MSI2: variants seen among roughly 807,000 people sequenced by gnomAD.
MSI2 encodes RNA-binding protein Musashi homolog 2.
Under a neutral mutation model 45.6 loss-of-function variants are expected in MSI2, and 17 were observed. That is an observed-to-expected ratio of 0.37 (90% confidence interval 0.26 to 0.56). The LOEUF (loss-of-function observed/expected upper bound fraction) is 0.56, where lower values mean the gene tolerates loss of function less well. Among genes scored for constraint, MSI2 ranks in the 20% least tolerant of loss-of-function variants. The pLI is 0.77. For missense variants in MSI2, 293 were observed against 444.2 expected (o/e 0.66, Z 3.06); for synonymous variants, 156 against 158.2 (o/e 0.99, Z 0.11).
intron 7 of MSI2, among the ~76,000 whole-genome samples, chr17:57,547,502 G>A (rs899435794): frequency 8.6e-5 from 13 of 151,994 alleles, no homozygotes; most frequent in Non-Finnish European, 1.6e-4. Context: ...ATTTATATTT[G>A]GAGACAAGTT....
At chr17:57,690,115 ACT>A in the MSI2 span, among the ~76,000 whole-genome samples, 1 of 147,538 alleles carries the variant, frequency 6.8e-6, no homozygotes, top group Non-Finnish European at 1.5e-5. Context: ...AGTTCTGGTT[ACT>A]TTGTATTCTT....
At chr17:57,548,898 T>TCCC (rs758120237) in intron 7 of MSI2, among the ~76,000 whole-genome samples, 12 of 121,294 alleles carry the variant, frequency 9.9e-5, no homozygotes, top group South Asian at 2.8e-4. Flanking sequence ...TGTTTACCCT[T>TCCC]CCCCCCCCCA....
intron 6 of MSI2, among the ~76,000 whole-genome samples, chr17:57,484,421 C>T (rs2085711743): frequency 6.6e-6 from 1 of 152,174 alleles, no homozygotes; most frequent in Non-Finnish European, 1.5e-5. Flanking sequence ...TCTTCCCCCT[C>T]GGAACTCAGT....
At chr17:57,489,395 G>C (rs2085822356) in intron 6 of MSI2, among the ~76,000 whole-genome samples, 1 of 152,156 alleles carries the variant, frequency 6.6e-6, no homozygotes, top group African/African-American at 2.4e-5. Context: ...CCAGCTGCTT[G>C]TGGCAAGAGA....
At chr17:57,608,536 GCTCT>G (rs1025666830) in intron 8 of MSI2, 1 of 152,468 alleles carries the variant, frequency 6.6e-6, no homozygotes, top group Non-Finnish European at 1.5e-5. Context: ...ACATTCAACA[GCTCT>G]CTCTCAGCAG....
chr17:57,483,418 C>T (rs2085687810), intron 6 of MSI2, among the ~76,000 whole-genome samples: 2 of 152,198 alleles, frequency 1.3e-5, no homozygotes, highest in African/African-American at 4.8e-5. Context: ...CGAATCACCT[C>T]TGGGGCTTAT....
intron 6 of MSI2, among the ~76,000 whole-genome samples, chr17:57,461,042 C>T (rs554347786): frequency 5.4e-4 from 83 of 152,302 alleles, no homozygotes; most frequent in Non-Finnish European, 1.1e-3. Context: ...TCCTATGGGC[C>T]TGTGGCAGGG....
chr17:57,692,199 C>T, the MSI2 span, among the ~76,000 whole-genome samples: 1 of 151,942 alleles, frequency 6.6e-6, no homozygotes, highest in East Asian at 1.9e-4. Context: ...CAGTATAAGC[C>T]CACTGGGTCA....
chr17:57,351,180 A>G (rs928258432), intron 5 of MSI2, among the ~76,000 whole-genome samples: 2 of 151,946 alleles, frequency 1.3e-5, no homozygotes, highest in Non-Finnish European at 2.9e-5. Flanking sequence ...CATTCTAGGG[A>G]GGTCAGTCTT....
At chr17:57,691,200 C>CATCTATCT in the MSI2 span, among the ~76,000 whole-genome samples, 464 of 140,306 alleles carry the variant, frequency 3.3e-3, 1 homozygote, top group African/African-American at 5.1e-3. Flanking sequence ...CTCTCTCTCT[C>CATCTATCT]ATCTATCTAT....
chr17:57,329,062 G>C (rs1311370595), intron 5 of MSI2, among the ~76,000 whole-genome samples: 2 of 152,148 alleles, frequency 1.3e-5, no homozygotes, highest in African/African-American at 2.4e-5. Context: ...CTCCAGCCTG[G>C]GTGAGGGGAG....
intron 6 of MSI2, among the ~76,000 whole-genome samples, chr17:57,484,532 T>C (rs774533504): frequency 6.6e-6 from 1 of 152,244 alleles, no homozygotes; most frequent in South Asian, 2.1e-4. Flanking sequence ...CTTTGTACAC[T>C]TCTCTACCCA....
chr17:57,293,541 C>T (rs1176052538), intron 5 of MSI2, among the ~76,000 whole-genome samples: 1 of 151,696 alleles, frequency 6.6e-6, no homozygotes, highest in Non-Finnish European at 1.5e-5. Flanking sequence ...ATAATTTTTT[C>T]CTGGATATAT....
At chr17:57,468,788 T>C (rs2085379572) in intron 6 of MSI2, among the ~76,000 whole-genome samples, 1 of 152,104 alleles carries the variant, frequency 6.6e-6, no homozygotes, top group Non-Finnish European at 1.5e-5. Flanking sequence ...GGGCATCCTG[T>C]GAGCTCTGTT....
intron 6 of MSI2, among the ~76,000 whole-genome samples, chr17:57,444,983 C>G (rs969731194): frequency 1.3e-5 from 2 of 152,152 alleles, no homozygotes; most frequent in Non-Finnish European, 2.9e-5. Context: ...TTCCCCTTTT[C>G]TCCTCACAAT....
intron 6 of MSI2, among the ~76,000 whole-genome samples, chr17:57,527,783 C>G (rs930927252): frequency 4.6e-5 from 7 of 152,248 alleles, no homozygotes; most frequent in Non-Finnish European, 8.8e-5. Context: ...CTACCCCCAT[C>G]TTCCATTCTT....
chr17:57,535,429 TC>T (rs1481512325), intron 7 of MSI2, among the ~76,000 whole-genome samples: 1 of 152,178 alleles, frequency 6.6e-6, no homozygotes, highest in Non-Finnish European at 1.5e-5. Flanking sequence ...GCAGAGGACA[TC>T]CCTGTGGCCT....
intron 5 of MSI2, among the ~76,000 whole-genome samples, chr17:57,314,229 G>A (rs1456952119): frequency 6.6e-6 from 1 of 152,092 alleles, no homozygotes; most frequent in East Asian, 1.9e-4. Flanking sequence ...CCACCCTAAT[G>A]ATCCTATTTT....
At chr17:57,524,252 G>A (rs908174335) in intron 6 of MSI2, among the ~76,000 whole-genome samples, 1 of 152,228 alleles carries the variant, frequency 6.6e-6, no homozygotes, top group Non-Finnish European at 1.5e-5. Context: ...CATTTTATTA[G>A]CCCTAACAAA....
Sources: gnomAD v4.1 joint callset for allele counts (sites outside exome capture counted in the v4.1 genomes callset) on GRCh38, gnomAD v4.1.1 for gene constraint, MANE v1.5 for transcripts, NCBI Gene and HGNC (gene_info 2026-07-23, HGNC 2026-07-21) for gene names.